PDE4B: variants seen among roughly 807,000 people sequenced by gnomAD.
The protein encoded by PDE4B is 3',5'-cyclic-AMP phosphodiesterase 4B.
Under a neutral mutation model 82.2 loss-of-function variants are expected in PDE4B, and 20 were observed. The observed-to-expected ratio is 0.24, with a 90% CI of 0.17 to 0.35. PDE4B has a LOEUF of 0.35. Among genes scored for constraint, PDE4B ranks in the 10% least tolerant of loss-of-function variants. The pLI, the probability that PDE4B is intolerant of heterozygous loss-of-function variation, is 1.00. For missense variants in PDE4B, 655 were observed against 907.2 expected (o/e 0.72, Z 3.57); for synonymous variants, 320 against 318.9 (o/e 1.00, Z -0.04).
chr1:66,181,626 C>T (rs991251232), intron 3 of PDE4B, among the ~76,000 whole-genome samples: 2 of 152,134 alleles, frequency 1.3e-5, no homozygotes, highest in East Asian at 3.8e-4. Context: ...AGTGTGGCTA[C>T]ATAATCTTGA....
At chr1:66,151,573 G>A (rs1209748855) in intron 3 of PDE4B, among the ~76,000 whole-genome samples, 1 of 152,138 alleles carries the variant, frequency 6.6e-6, no homozygotes, top group Non-Finnish European at 1.5e-5. Context: ...AATGAACTAT[G>A]CCTTTATTCG....
At position 66,021,647 on chromosome 1, in the gene PDE4B, C is replaced by T. The variant is rs142347788; in HGVS notation, c.281+102812C>T. Among the ~76,000 whole-genome samples, 3 of 152,260 alleles carry T rather than the reference C, an allele frequency of 2.0e-5. No homozygotes were observed. In the East Asian group the frequency reaches 5.8e-4, roughly 29 times the overall value. Reference sequence around the variant, plus strand: ...GTTGTAGAGGTATTATTTCTGAGGGCTCTGTTCTGTTCCATTGATCTATAT... The same window carrying T: ...GTTGTAGAGGTATTATTTCTGAGGGTTCTGTTCTGTTCCATTGATCTATAT... On this transcript the variant is annotated intron_variant, in intron 3 of 16. Transcript: ENST00000341517.
At chr1:66,138,021 T>C (rs1646093270) in intron 3 of PDE4B, among the ~76,000 whole-genome samples, 1 of 152,230 alleles carries the variant, frequency 6.6e-6, no homozygotes, top group Non-Finnish European at 1.5e-5. Flanking sequence ...AGAAAGAAAC[T>C]GAAGTCCAGT....
chr1:65,845,086 C>T (rs1181360667), intron 1 of PDE4B, among the ~76,000 whole-genome samples: 1 of 152,106 alleles, frequency 6.6e-6, no homozygotes, highest in Non-Finnish European at 1.5e-5. Flanking sequence ...GTACTCTGGC[C>T]TCTATGACAT....
intron 15 of PDE4B, 79 bp downstream of exon 15, chr1:66,368,144 A>C (rs1663387838): frequency 6.7e-7 from 1 of 1,503,234 alleles, no homozygotes; most frequent in Admixed American, 1.8e-5. Flanking sequence ...GAAAACAAAG[A>C]TAAATTCAGT....
intron 3 of PDE4B, among the ~76,000 whole-genome samples, chr1:66,091,776 G>A (rs1645031384): frequency 6.6e-6 from 1 of 151,992 alleles, no homozygotes; most frequent in African/African-American, 2.4e-5. Context: ...ATTGGTGGAG[G>A]CCATTAAATA....
At chr1:66,172,194 A>G (rs1646850362) in intron 3 of PDE4B, among the ~76,000 whole-genome samples, 1 of 152,186 alleles carries the variant, frequency 6.6e-6, no homozygotes, top group Non-Finnish European at 1.5e-5. Context: ...AAGTGAGAAC[A>G]TGAGGTATTT....
At chr1:66,210,567 G>A (rs1312909022) in intron 3 of PDE4B, among the ~76,000 whole-genome samples, 2 of 123,524 alleles carry the variant, frequency 1.6e-5, no homozygotes, top group African/African-American at 3.1e-5. Flanking sequence ...CTGCACTCCA[G>A]CCTGGGTGAC....
chr1:66,115,448 G>T (rs1283886463), intron 3 of PDE4B, among the ~76,000 whole-genome samples: 1 of 152,204 alleles, frequency 6.6e-6, no homozygotes, highest in Non-Finnish European at 1.5e-5. Flanking sequence ...GAACTACCTG[G>T]CTGCCCAGCC....
At chr1:66,138,862 C>T (rs1190810823) in intron 3 of PDE4B, among the ~76,000 whole-genome samples, 2 of 152,156 alleles carry the variant, frequency 1.3e-5, no homozygotes, top group African/African-American at 4.8e-5. Flanking sequence ...ACCTTTCCAG[C>T]CACTGGGATA....
At chr1:65,956,646 T>C (rs1031576323) in intron 3 of PDE4B, among the ~76,000 whole-genome samples, 2 of 152,132 alleles carry the variant, frequency 1.3e-5, no homozygotes, top group African/African-American at 4.8e-5. Context: ...AATACGTGAA[T>C]AGTAAATGAG....
chr1:66,194,357 A>G (rs895931708), intron 3 of PDE4B, among the ~76,000 whole-genome samples: 1 of 152,126 alleles, frequency 6.6e-6, no homozygotes, highest in African/African-American at 2.4e-5. Context: ...TGCTATGTTA[A>G]CATCATAACT....
At chr1:65,824,138 C>G (rs1366957440) in intron 1 of PDE4B, among the ~76,000 whole-genome samples, 1 of 152,110 alleles carries the variant, frequency 6.6e-6, no homozygotes, top group African/African-American at 2.4e-5. Context: ...GAACCCAAGT[C>G]TCAGGATTGT....
intron 3 of PDE4B, among the ~76,000 whole-genome samples, chr1:65,965,768 G>A (rs1017859288): frequency 5.3e-5 from 8 of 151,812 alleles, no homozygotes; most frequent in Admixed American, 2.6e-4. Flanking sequence ...CTTTAAGACT[G>A]TTGAATAAAC....
At chr1:66,360,953 T>G (rs927617242) in intron 9 of PDE4B, among the ~76,000 whole-genome samples, 3 of 152,184 alleles carry the variant, frequency 2.0e-5, no homozygotes, top group African/African-American at 7.2e-5. Context: ...ATTGGTAGAA[T>G]TAATAGACTC....
intron 3 of PDE4B, among the ~76,000 whole-genome samples, chr1:66,165,961 A>AG (rs1646723082): frequency 6.6e-6 from 1 of 152,138 alleles, no homozygotes; most frequent in South Asian, 2.1e-4. Flanking sequence ...GGAAAAAAAA[A>AG]AAAGAAATTG....
intron 3 of PDE4B, among the ~76,000 whole-genome samples, chr1:66,146,079 ATTC>A (rs1218776257): frequency 4.0e-5 from 6 of 148,300 alleles, no homozygotes; most frequent in African/African-American, 1.5e-4. Flanking sequence ...GCTGTTAGAT[ATTC>A]TTCTTCTTTT....
At chr1:66,304,603 C>T (rs964238191) in intron 7 of PDE4B, among the ~76,000 whole-genome samples, 3 of 152,188 alleles carry the variant, frequency 2.0e-5, no homozygotes, top group Non-Finnish European at 4.4e-5. Context: ...TTCTACCCAT[C>T]CTTTAAGGTA....
chr1:66,003,497 G>A (rs1016819810), intron 3 of PDE4B, among the ~76,000 whole-genome samples: 3 of 152,098 alleles, frequency 2.0e-5, no homozygotes, highest in Non-Finnish European at 4.4e-5. Flanking sequence ...TTCAGGATCC[G>A]CATATTAAAA....
Sources: allele counts gnomAD v4.1 joint callset (sites outside exome capture counted in the v4.1 genomes callset), GRCh38; gene constraint gnomAD v4.1.1; transcripts MANE v1.5; gene names NCBI Gene and HGNC (gene_info 2026-07-23, HGNC 2026-07-21).